UNC93B1: variants seen among roughly 807,000 people sequenced by gnomAD.
UNC93B1 encodes protein unc-93 homolog B1.
In UNC93B1, 33 loss-of-function variants were observed where a neutral mutation model predicts 56.8. The observed-to-expected ratio is 0.58, with a 90% CI of 0.44 to 0.78. The LOEUF (loss-of-function observed/expected upper bound fraction) is 0.78. Ranked by LOEUF, UNC93B1 falls within the 30% of genes least tolerant of loss-of-function variation. The probability of loss-of-function intolerance (pLI) is 0.00; values close to 1 mark genes in which losing one functional copy is unlikely to be tolerated. For synonymous variants in UNC93B1, 334 were observed against 358.6 expected (o/e 0.93, Z 0.77); for missense variants, 673 against 819.5 (o/e 0.82, Z 2.18).
chr11:68,003,231 GAGC>G lies in UNC93B1; in HGVS notation c.239-59_239-57del. 1.3e-6 allele frequency: 2 copies of G among 1,521,518 alleles called. No individual in the cohort carries two copies. Among genetic ancestry groups the G allele is most frequent in the Non-Finnish European group, 1.8e-6 (2 of 1,139,958 alleles). 94.3% of individuals were successfully genotyped at this position (1,521,518 alleles called of 1,614,324 possible). Reference sequence around the variant, plus strand: ...GAGCAGCCTAGCTTTGGGCGCCACCGAGCAGAAGACGGCATGCAGGCCTCGCAG... The same window carrying G: ...GAGCAGCCTAGCTTTGGGCGCCACCGAGAAGACGGCATGCAGGCCTCGCAG... On this transcript the variant is annotated intron_variant, in intron 2 of 10. Coordinates refer to ENST00000227471, the MANE Select transcript of UNC93B1 (RefSeq NM_030930.4). This position sits in a 1 kb window ranked among gnomAD's most constrained non-coding sequence, Gnocchi z 4.4.
At position 67,994,792 on chromosome 11, in the gene UNC93B1, T is replaced by C. The variant is rs530133068; in HGVS notation, c.1363+819A>G. Among the ~76,000 whole-genome samples, 63 of 152,326 alleles carry C rather than the reference T, an allele frequency of 4.1e-4. 1 individual carries two copies. The East Asian group carries it at 0.01, about 25-fold the overall frequency. The stretch of plus-strand genomic sequence containing the variant: ...CAGCAGCAGGCATGACCTCGGCTAC[T>C]CCACACCCCCAAGGATGACGTTCAA... On this transcript the variant is annotated intron_variant, in intron 9 of 10. Coordinates refer to ENST00000227471, the MANE Select transcript of UNC93B1 (RefSeq NM_030930.4).
rs1834565121 is a variant in UNC93B1, at chr11:68,003,548, G to T, written c.238+109C>A. 1 of 1,393,468 alleles carries T rather than the reference G, an allele frequency of 7.2e-7. No homozygotes were observed. Among genetic ancestry groups the T allele is most frequent in the Admixed American group, 2.8e-5 (1 of 35,492 alleles). 86.3% of individuals were successfully genotyped at this position (1,393,468 alleles called of 1,614,324 possible). On this transcript the variant is annotated intron_variant, in intron 2 of 10. Transcript: ENST00000227471. This position sits in a 1 kb window ranked among gnomAD's most constrained non-coding sequence, Gnocchi z 4.4. ...GGGGGCCGTGGCTGCAGCTGCGAGG[G>T]CAGCGGAGGGGAAGTGAGAGCGGGC...
At position 67,995,052 on chromosome 11, in the gene UNC93B1, T is replaced by C. The variant is rs554404737; in HGVS notation, c.1363+559A>G. Among the ~76,000 whole-genome samples, 355 of 152,278 alleles carry C rather than the reference T, an allele frequency of 2.3e-3. 1 individual carries two copies. The highest frequency in any genetic ancestry group is 8.3e-3 in the African/African-American group (346 of 41,548). On this transcript the variant is annotated intron_variant, in intron 9 of 10. Coordinates refer to ENST00000227471, the MANE Select transcript of UNC93B1 (RefSeq NM_030930.4). ...GACTGGGTTGGGGCTGCAGGCCTGC[T>C]CCTCTCTATACAAAGGCCCATGTCT...
rs1366916802 is a variant in UNC93B1 at position 67,996,689 on chromosome 11, G to C, written c.1002C>G (p.His334Gln). The C allele has an allele frequency of 1.9e-6, 3 of 1,551,834 alleles. No homozygotes were observed. Among genetic ancestry groups the C allele is most frequent in the Non-Finnish European group, 2.6e-6 (3 of 1,147,066 alleles). ...GGTGGCGCAGGCGGTAGTCACGCAC[G>C]TGCTTGAAGGGCAGCTGGAAGATGT... ...WGNIFQLPFK[H>Q]VRDYRLRHLV... Residue 334 changes from histidine to glutamine, a missense_variant, in exon 8 of 11, where the codon CAC becomes CAG. Transcript: ENST00000227471.
chr11:67,999,471 G>C, intron 4 of UNC93B1, 48 bp downstream of exon 4: 1 of 1,544,342 alleles, frequency 6.5e-7, no homozygotes, highest in Non-Finnish European at 8.8e-7. Context: ...ATAAAGTGGA[G>C]GCTTGGCCAG....
Position 68,003,174 on chromosome 11 carries a change from G to A in UNC93B1, c.240C>T (p.Gly80=). The change falls in exon 3 of 11, where the codon GGC becomes GGT. Residue 80 remains glycine, a splice_region_variant and synonymous_variant. Coordinates refer to ENST00000227471, the MANE Select transcript of UNC93B1 (RefSeq NM_030930.4). The surrounding 1 kb of genome is among the most constrained non-coding windows in gnomAD (Gnocchi z 4.4). ...GCAGGATCAGCTGCATCTGCAGGAGGCCTGGGGACAGGACAGAGAGCGGCG... is the reference window on the plus strand; with the variant it reads ...GCAGGATCAGCTGCATCTGCAGGAGACCTGGGGACAGGACAGAGAGCGGCG... ...GGMLTYGVYL[G]LLQMQLILHY... is the part of the protein sequence containing the mutation. 1 of 1,611,078 alleles carries A rather than the reference G, an allele frequency of 6.2e-7. No homozygotes were observed. The highest frequency in any genetic ancestry group is 2.2e-5 in the East Asian group (1 of 44,822).
intron 10 of UNC93B1, among the ~76,000 whole-genome samples, chr11:67,993,036 A>C (rs1180756756): frequency 6.6e-6 from 1 of 151,278 alleles, no homozygotes; most frequent in Non-Finnish European, 1.5e-5. Flanking sequence ...CTTAGGCTGG[A>C]TGGAGTGCCA....
intron 9 of UNC93B1, among the ~76,000 whole-genome samples, chr11:67,994,278 G>A (rs1449545011): frequency 1.3e-5 from 2 of 152,178 alleles, no homozygotes; most frequent in East Asian, 3.9e-4. Flanking sequence ...TAATGGATTG[G>A]GAGTCAGAAG....
intron 9 of UNC93B1, among the ~76,000 whole-genome samples, chr11:67,994,243 G>T (rs1856897769): frequency 6.6e-6 from 1 of 152,206 alleles, no homozygotes; most frequent in East Asian, 1.9e-4. Flanking sequence ...TTTCCAGTGA[G>T]TCCTCCCAGG....
At position 68,003,241 on chromosome 11, in the gene UNC93B1, C is replaced by T. The variant is rs889388070; in HGVS notation, c.239-66G>A. On this transcript the variant is annotated intron_variant, in intron 2 of 10. Transcript: ENST00000227471. The surrounding 1 kb of genome is among the most constrained non-coding windows in gnomAD (Gnocchi z 4.4). Reference sequence around the variant, plus strand: ...GCTTTGGGCGCCACCGAGCAGAAGACGGCATGCAGGCCTCGCAGGGAGCTC... The same window carrying T: ...GCTTTGGGCGCCACCGAGCAGAAGATGGCATGCAGGCCTCGCAGGGAGCTC... 7.4e-6 allele frequency: 11 copies of T among 1,476,946 alleles called. No individual in the cohort carries two copies. In the African/African-American group the frequency reaches 1.3e-4, roughly 17 times the overall value. The allele number at this position is 1,476,946 out of a possible 1,614,324, so 91.5% of individuals were successfully genotyped here. A position where few individuals can be genotyped will look rare whatever the true frequency, so the allele number is the denominator to read the frequency against.
chr11:68,004,070 G>A lies in UNC93B1; in HGVS notation c.-27C>T, dbSNP rs1247956575. 1.9e-5 allele frequency: 25 copies of A among 1,318,822 alleles called. No individual in the cohort carries two copies. Among genetic ancestry groups the A allele is most frequent in the Admixed American group, 3.6e-5 (1 of 27,932 alleles). The allele number at this position is 1,318,822 out of a possible 1,614,324, so 81.7% of individuals were successfully genotyped here. A position where few individuals can be genotyped will look rare whatever the true frequency, so the allele number is the denominator to read the frequency against. ...GCCCGAACTACTGCGGACTCGCGGC[G>A]GTCGCCCCGGAGTCCCTGCGACCGC... On this transcript the variant is annotated 5_prime_UTR_variant, in exon 1 of 11. Coordinates refer to ENST00000227471, the MANE Select transcript of UNC93B1 (RefSeq NM_030930.4).
chr11:67,998,293 C>T, intron 6 of UNC93B1, 66 bp downstream of exon 6: 2 of 1,570,546 alleles, frequency 1.3e-6, no homozygotes, highest in Non-Finnish European at 8.8e-7. Context: ...TGAGTGAGGG[C>T]CCAGTGTCTG....
At position 67,995,883 on chromosome 11, in the gene UNC93B1, C is replaced by T; in HGVS notation, c.1091G>A (p.Gly364Asp). 6.6e-7 allele frequency: 1 copy of T among 1,505,218 alleles called. No individual in the cohort carries two copies. Among genetic ancestry groups the T allele is most frequent in the South Asian group, 1.3e-5 (1 of 79,206 alleles). 93.2% of individuals were successfully genotyped at this position (1,505,218 alleles called of 1,614,324 possible). ...CAGCCCCACCGAGCACACGCCATAGCCCTGCGGGGGGACAAGGGGTGAGTG... is the reference window on the plus strand; with the variant it reads ...CAGCCCCACCGAGCACACGCCATAGTCCTGCGGGGGGACAAGGGGTGAGTG... ...VLFACTGIAL[G>D]YGVCSVGLER... is the part of the protein sequence containing the mutation. Residue 364 changes from glycine to aspartate, a missense_variant and splice_region_variant, in exon 9 of 11, where the codon GGC becomes GAC. By Grantham distance (94) the Gly-to-Asp change is moderately conservative. Transcript: ENST00000227471.
At position 67,995,325 on chromosome 11, in the gene UNC93B1, C is replaced by T. The variant is rs550216963; in HGVS notation, c.1363+286G>A. Among the ~76,000 whole-genome samples the T allele has an allele frequency of 2.6e-5, 4 of 152,234 alleles. No homozygotes were observed. In the South Asian group the frequency reaches 8.3e-4, roughly 32 times the overall value. ...CCTCCAGTGTTGATGGGGCCCTGTG[C>T]CCGCTCTGGGGTATTAACAGAATGT... On this transcript the variant is annotated intron_variant, in intron 9 of 10. Coordinates refer to ENST00000227471, the MANE Select transcript of UNC93B1 (RefSeq NM_030930.4).
chr11:67,998,320 G>A (rs1856984460), intron 6 of UNC93B1, 39 bp downstream of exon 6: 2 of 1,607,340 alleles, frequency 1.2e-6, no homozygotes, highest in African/African-American at 1.3e-5. Flanking sequence ...AAGTAAGCAG[G>A]CTTTGTGGAC....
intron 10 of UNC93B1, 64 bp from the exon 11 acceptor site, chr11:67,991,921 T>C: frequency 6.7e-7 from 1 of 1,492,056 alleles, no homozygotes; most frequent in Non-Finnish European, 8.9e-7. Flanking sequence ...TCCCCGCCTA[T>C]GCCCCTCGCT....
chr11:67,993,768 T>G lies in UNC93B1; in HGVS notation c.1390A>C (p.Lys464Gln). The G allele has an allele frequency of 8.3e-7, 1 of 1,208,196 alleles. No homozygotes were observed. The highest frequency in any genetic ancestry group is 1.2e-6 in the Non-Finnish European group (1 of 845,470). 74.8% of individuals were successfully genotyped at this position (1,208,196 alleles called of 1,614,324 possible). The change falls in exon 10 of 11, where the codon AAG (lysine) becomes CAG (glutamine). Residue 464 changes from lysine (K) to glutamine (Q), a missense_variant. Around this residue, in one of 3 missense-constraint regions of UNC93B1, gnomAD observed 155 missense variants for 268.3 expected, o/e 0.58. Coordinates refer to ENST00000227471, the MANE Select transcript of UNC93B1 (RefSeq NM_030930.4). ...GTGAAGATGAAGTCCTGTCTCTCCT[T>G]GTCTTCGTACAAGATTCCCAGGAGT... ...STLLGILYED[K>Q]ERQDFIFTIY...
At chr11:68,001,601 G>T (rs1257598242) in intron 3 of UNC93B1, among the ~76,000 whole-genome samples, 1 of 151,978 alleles carries the variant, frequency 6.6e-6, no homozygotes, top group African/African-American at 2.4e-5. Flanking sequence ...GAGGCAGTGA[G>T]CTGTGTTCGT....
chr11:67,995,344 A>G (rs1056425876), intron 9 of UNC93B1, among the ~76,000 whole-genome samples: 12 of 152,132 alleles, frequency 7.9e-5, no homozygotes, highest in South Asian at 4.2e-4. Context: ...GGGTATTAAC[A>G]GAATGTCCAT....
Sources: allele counts gnomAD v4.1 joint callset (sites outside exome capture counted in the v4.1 genomes callset), GRCh38; gene constraint gnomAD v4.1.1; regional missense constraint gnomAD v4.1.1; non-coding constraint Gnocchi (gnomAD v3.1); transcripts MANE v1.5; gene names NCBI Gene and HGNC (gene_info 2026-07-23, HGNC 2026-07-21).